Variants in PARD3B observed in about 807,000 individuals in gnomAD.
PARD3B encodes the protein par-3 family cell polarity regulator beta, also known as partitioning defective 3 homolog B.
Under a neutral mutation model 130.2 loss-of-function variants are expected in PARD3B, and 103 were observed. That is an observed-to-expected ratio of 0.79 (90% CI 0.67 to 0.93). PARD3B has a LOEUF of 0.93. PARD3B is among the 40% of genes least tolerant of loss of function. The pLI, the probability that PARD3B is intolerant of heterozygous loss-of-function variation, is 0.00. For synonymous variants in PARD3B, 583 were observed against 553.2 expected, an observed-to-expected ratio of 1.05 and a Z score of -0.76; for missense variants, 1,609 against 1,499.2, an observed-to-expected ratio of 1.07 and a Z score of -1.21.
chr2:205,387,732 G>A (rs551181463), intron 18 of PARD3B, among the ~76,000 whole-genome samples: 11 of 152,288 alleles, frequency 7.2e-5, no homozygotes, highest in African/African-American at 2.4e-4. Flanking sequence ...TATTAGGTGG[G>A]GAAGTTTAGA....
intron 1 of PARD3B, among the ~76,000 whole-genome samples, chr2:204,662,064 TC>T (rs1347148345): frequency 6.6e-6 from 1 of 152,226 alleles, no homozygotes; most frequent in Non-Finnish European, 1.5e-5. Flanking sequence ...CAATGAACTT[TC>T]TGTACTGTAA....
At chr2:205,443,445 A>G (rs753234567) in intron 20 of PARD3B, among the ~76,000 whole-genome samples, 2 of 152,226 alleles carry the variant, frequency 1.3e-5, no homozygotes, top group Non-Finnish European at 2.9e-5. Context: ...AGAAGAGGTC[A>G]TAATCTAGTG....
rs557076765 is a variant in PARD3B at position 204,673,761 on chromosome 2, C to T, written c.121-12420C>T. On this transcript the variant is annotated intron_variant, in intron 1 of 22. Transcript: ENST00000406610. This position sits in a 1 kb window ranked among gnomAD's most constrained non-coding sequence, Gnocchi z 4.7. ...CACTTACTAACATATCATTAATTCA[C>T]GTATGTATTTTGTTTGTTAATTATT... 2.0e-5 allele frequency among the ~76,000 whole-genome samples: 3 copies of T among 152,292 alleles called. No individual in the cohort carries two copies. Among genetic ancestry groups the T allele is most frequent in the Admixed American group, 1.3e-4 (2 of 15,306 alleles).
At chr2:204,783,654 G>A (rs949600391) in intron 2 of PARD3B, among the ~76,000 whole-genome samples, 1 of 152,016 alleles carries the variant, frequency 6.6e-6, no homozygotes, top group South Asian at 2.1e-4. Context: ...AATATGTGCC[G>A]AACACTCATT....
intron 2 of PARD3B, among the ~76,000 whole-genome samples, chr2:204,853,659 A>T (rs537355802): frequency 9.1e-6 from 1 of 110,254 alleles, no homozygotes; most frequent in Admixed American, 8.4e-5. Context: ...AAAGAAAAAG[A>T]AACAGAGGAT....
chr2:205,315,856 G>T (rs1177330548), intron 18 of PARD3B, among the ~76,000 whole-genome samples: 1 of 152,102 alleles, frequency 6.6e-6, no homozygotes, highest in Non-Finnish European at 1.5e-5. Flanking sequence ...TGAATTCTTT[G>T]ATTTGCATTT....
rs114846223 is a variant in PARD3B, at chr2:205,367,453, C to T, written c.2631-33560C>T. Reference sequence around the variant, plus strand: ...ATTTCCTGACAGTAAGATTCTTAAACTCCGGAATGGTTATCAAAAGAAGTT... The same window carrying T: ...ATTTCCTGACAGTAAGATTCTTAAATTCCGGAATGGTTATCAAAAGAAGTT... On this transcript the variant is annotated intron_variant, in intron 18 of 22. Transcript: ENST00000406610. Among the ~76,000 whole-genome samples, 378 of 152,274 alleles carry T rather than the reference C, an allele frequency of 2.5e-3. 2 individuals are homozygous for T. The highest frequency in any genetic ancestry group is 8.9e-3 in the African/African-American group (368 of 41,562).
At chr2:204,897,792 C>T (rs2046694227) in intron 2 of PARD3B, among the ~76,000 whole-genome samples, 1 of 151,950 alleles carries the variant, frequency 6.6e-6, no homozygotes, top group Non-Finnish European at 1.5e-5. Context: ...TCATTGCTTT[C>T]TGCCTCTTAA....
intron 1 of PARD3B, among the ~76,000 whole-genome samples, chr2:204,631,224 C>T (rs1448921607): frequency 6.6e-6 from 1 of 150,406 alleles, no homozygotes; most frequent in African/African-American, 2.4e-5. Flanking sequence ...AGTCATTGTA[C>T]CGATGGGTCT....
At chr2:205,174,355 C>A (rs550698136) in intron 12 of PARD3B, among the ~76,000 whole-genome samples, 1 of 152,164 alleles carries the variant, frequency 6.6e-6, no homozygotes, top group Non-Finnish European at 1.5e-5. Context: ...TTTTTAGTTT[C>A]CCTAATATTT....
chr2:205,431,008 A>T (rs1324532398), intron 19 of PARD3B, among the ~76,000 whole-genome samples: 2 of 152,220 alleles, frequency 1.3e-5, no homozygotes, highest in East Asian at 1.9e-4. Flanking sequence ...ATGTAGGGGG[A>T]TTTACTTTCA....
At chr2:205,553,669 A>G (rs926668880) in intron 22 of PARD3B, among the ~76,000 whole-genome samples, 9 of 152,324 alleles carry the variant, frequency 5.9e-5, no homozygotes, top group African/African-American at 2.2e-4. Context: ...ATCCTAAGCC[A>G]TTGCTATAAA....
intron 18 of PARD3B, among the ~76,000 whole-genome samples, chr2:205,335,868 C>G (rs2043296327): frequency 6.6e-6 from 1 of 152,110 alleles, no homozygotes; most frequent in Non-Finnish European, 1.5e-5. Context: ...TAAGAACCAT[C>G]AGATCTTGTG....
intron 2 of PARD3B, among the ~76,000 whole-genome samples, chr2:204,805,886 A>T (rs529789483): frequency 6.6e-6 from 1 of 152,168 alleles, no homozygotes; most frequent in Non-Finnish European, 1.5e-5. Context: ...AACACTAAAA[A>T]TAACTGAGTG....
chr2:205,202,601 C>G (rs1006378214), intron 15 of PARD3B, among the ~76,000 whole-genome samples: 11 of 152,208 alleles, frequency 7.2e-5, no homozygotes, highest in Non-Finnish European at 1.3e-4. Context: ...ATGCCATAAA[C>G]TTAGCTGCAC....
intron 21 of PARD3B, among the ~76,000 whole-genome samples, chr2:205,522,533 G>T (rs1057503396): frequency 3.9e-5 from 6 of 151,942 alleles, no homozygotes; most frequent in African/African-American, 1.4e-4. Context: ...TCAAAATAAT[G>T]ATTTTTCTGT....
chr2:204,928,819 A>T (rs575759811), intron 2 of PARD3B, among the ~76,000 whole-genome samples: 1 of 152,112 alleles, frequency 6.6e-6, no homozygotes, highest in Admixed American at 6.6e-5. Context: ...CTTAATAATA[A>T]CAATAGTTGG....
intron 2 of PARD3B, among the ~76,000 whole-genome samples, chr2:204,857,908 A>G (rs147372042): frequency 4.1e-4 from 63 of 152,286 alleles, no homozygotes; most frequent in Non-Finnish European, 8.4e-4. Context: ...CCCAAGACAA[A>G]AGGAATGAGA....
rs541012180 is a variant in PARD3B at position 205,352,849 on chromosome 2, C to T, written c.2631-48164C>T. Among the ~76,000 whole-genome samples the T allele has an allele frequency of 6.6e-6, 1 of 152,268 alleles. No homozygotes were observed. The highest frequency in any genetic ancestry group is 6.5e-5 in the Admixed American group (1 of 15,290). Reference sequence around the variant, plus strand: ...TCATGAAAACCAGTCTGCATTTCATCATAAAATTCAGAAGTGCCCTATTAT... The same window carrying T: ...TCATGAAAACCAGTCTGCATTTCATTATAAAATTCAGAAGTGCCCTATTAT... On this transcript the variant is annotated intron_variant, in intron 18 of 22. Coordinates refer to ENST00000406610, the MANE Select transcript of PARD3B (RefSeq NM_001302769.2). This position sits in a 1 kb window ranked among gnomAD's most constrained non-coding sequence, Gnocchi z 5.2.
Sources: gnomAD v4.1 joint callset for allele counts (sites outside exome capture counted in the v4.1 genomes callset) on GRCh38, gnomAD v4.1.1 for gene constraint, Gnocchi (gnomAD v3.1) non-coding constraint, MANE v1.5 for transcripts, NCBI Gene and HGNC (gene_info 2026-07-23, HGNC 2026-07-21) for gene names.